The following ZNF804B variants were observed in gnomAD, a reference collection of about 807,000 sequenced individuals.
The protein encoded by ZNF804B is zinc finger protein 804B, also known as zinc finger 804B.
Under a neutral mutation model 101.4 loss-of-function variants are expected in ZNF804B, and 80 were observed. The observed-to-expected ratio is 0.79, with a 90% CI of 0.66 to 0.95. The LOEUF (loss-of-function observed/expected upper bound fraction) is 0.95, where lower values mean the gene tolerates loss of function less well. ZNF804B is among the 40% of genes least tolerant of loss of function. The probability of loss-of-function intolerance (pLI) is 0.00; values close to 1 mark genes in which losing one functional copy is unlikely to be tolerated. For synonymous variants in ZNF804B, 622 were observed against 558.8 expected, an observed-to-expected ratio of 1.11 and a Z score of -1.59; for missense variants, 1,673 against 1,561.9, an observed-to-expected ratio of 1.07 and a Z score of -1.20.
chr7:88,975,468 A>G, intron 1 of ZNF804B, among the ~76,000 whole-genome samples: 1 of 151,290 alleles, frequency 6.6e-6, no homozygotes, highest in East Asian at 2.0e-4. Flanking sequence ...AGGAAAAAAA[A>G]AGTGATTTTA....
chr7:89,185,792 G>A (rs1277687437), intron 1 of ZNF804B, among the ~76,000 whole-genome samples: 1 of 151,830 alleles, frequency 6.6e-6, no homozygotes, highest in Admixed American at 6.6e-5. Flanking sequence ...TCCTGGAGAC[G>A]GAGGTTGCAG....
chr7:88,775,833 A>G (rs961762531), intron 1 of ZNF804B, among the ~76,000 whole-genome samples: 1 of 152,144 alleles, frequency 6.6e-6, no homozygotes, highest in Admixed American at 6.5e-5. Context: ...ATTTATTTAA[A>G]ATTTGAAAAT....
At chr7:88,907,632 C>T (rs1792493619) in intron 1 of ZNF804B, among the ~76,000 whole-genome samples, 1 of 151,674 alleles carries the variant, frequency 6.6e-6, no homozygotes, top group African/African-American at 2.4e-5. Flanking sequence ...ACTAAGTAGC[C>T]CAAAGTTTGG....
At chr7:89,261,704 T>C (rs886261440) in intron 2 of ZNF804B, among the ~76,000 whole-genome samples, 1 of 152,214 alleles carries the variant, frequency 6.6e-6, no homozygotes, top group African/African-American at 2.4e-5. Flanking sequence ...CACATGTCAT[T>C]GCACTGAATA....
intron 1 of ZNF804B, among the ~76,000 whole-genome samples, chr7:89,014,775 T>G (rs767593563): frequency 9.2e-5 from 14 of 152,254 alleles, no homozygotes; most frequent in Non-Finnish European, 1.5e-4. Context: ...AAGAATAGTT[T>G]GCAAACATTT....
chr7:88,954,143 G>C (rs563075319), intron 1 of ZNF804B, among the ~76,000 whole-genome samples: 3 of 151,796 alleles, frequency 2.0e-5, no homozygotes, highest in Non-Finnish European at 4.4e-5. Context: ...TTTCAGAAAA[G>C]TTTGAAATTC....
intron 2 of ZNF804B, among the ~76,000 whole-genome samples, chr7:89,233,080 C>T (rs996545445): frequency 6.6e-6 from 1 of 151,728 alleles, no homozygotes; most frequent in Non-Finnish European, 1.5e-5. Context: ...CGCCACCACG[C>T]CTGGCTAATT....
At chr7:89,179,415 G>T (rs7787391) in intron 1 of ZNF804B, among the ~76,000 whole-genome samples, 6,417 of 151,860 alleles carry the variant, frequency 0.042, 143 homozygotes, top group Middle Eastern at 0.11. Context: ...AAAAAAATCT[G>T]CTATTGAGAG....
intron 1 of ZNF804B, among the ~76,000 whole-genome samples, chr7:88,783,364 C>T (rs547757314): frequency 1.0e-3 from 154 of 152,202 alleles, no homozygotes; most frequent in Non-Finnish European, 2.0e-3. Flanking sequence ...GGGACTACCT[C>T]TAGCTTCCAC....
At chr7:89,206,361 T>C (rs374355339) in intron 1 of ZNF804B, among the ~76,000 whole-genome samples, 3 of 152,368 alleles carry the variant, frequency 2.0e-5, no homozygotes, top group African/African-American at 7.2e-5. Context: ...TTTTATTTTC[T>C]ATTGAATTAT....
At chr7:89,062,493 T>C (rs1287564726) in intron 1 of ZNF804B, among the ~76,000 whole-genome samples, 2 of 152,184 alleles carry the variant, frequency 1.3e-5, no homozygotes, top group African/African-American at 4.8e-5. Context: ...TCATATTATT[T>C]TGTTATTTTT....
At chr7:89,118,974 A>C (rs1047961635) in intron 1 of ZNF804B, among the ~76,000 whole-genome samples, 1 of 152,202 alleles carries the variant, frequency 6.6e-6, no homozygotes, top group African/African-American at 2.4e-5. Context: ...GTGCATTTCC[A>C]GTCACCTCTA....
At chr7:89,325,464 AT>A (rs1367503541) in intron 2 of ZNF804B, among the ~76,000 whole-genome samples, 1 of 152,022 alleles carries the variant, frequency 6.6e-6, no homozygotes, top group East Asian at 1.9e-4. Flanking sequence ...TGATTTGTTG[AT>A]TTGTACATTT....
At chr7:89,056,880 A>G (rs1307744276) in intron 1 of ZNF804B, among the ~76,000 whole-genome samples, 2 of 152,206 alleles carry the variant, frequency 1.3e-5, no homozygotes, top group Admixed American at 6.6e-5. Context: ...CACTGAATGA[A>G]GAGATGGGAA....
At chr7:89,069,250 C>T (rs1439139838) in intron 1 of ZNF804B, among the ~76,000 whole-genome samples, 1 of 152,146 alleles carries the variant, frequency 6.6e-6, no homozygotes, top group Non-Finnish European at 1.5e-5. Context: ...ACCTAGAGAG[C>T]TTCAGTTAAA....
intron 2 of ZNF804B, among the ~76,000 whole-genome samples, chr7:89,282,902 C>T (rs1390436880): frequency 6.6e-6 from 1 of 152,030 alleles, no homozygotes; most frequent in Admixed American, 6.5e-5. Flanking sequence ...TTGATTTGAG[C>T]CCAGTGAAAC....
chr7:88,887,448 A>G (rs1056003557), intron 1 of ZNF804B, among the ~76,000 whole-genome samples: 6 of 152,048 alleles, frequency 3.9e-5, no homozygotes, highest in Non-Finnish European at 7.4e-5. Context: ...TCATTTTTGT[A>G]TATGGTGTAA....
rs147574705 is a variant in ZNF804B, at chr7:89,221,053, G to A, written c.249+2758G>A. 3.8e-3 allele frequency among the ~76,000 whole-genome samples: 578 copies of A among 151,942 alleles called. 3 individuals are homozygous for A. The highest frequency in any genetic ancestry group is 0.013 in the African/African-American group (555 of 41,494). On this transcript the variant is annotated intron_variant, in intron 2 of 3. Transcript: ENST00000333190. Reference sequence around the variant, plus strand: ...ATAAGGAGGCATATAATGTCTGGTTGTCTCTCTTTTTATAATCTTAAGTTT... The same window carrying A: ...ATAAGGAGGCATATAATGTCTGGTTATCTCTCTTTTTATAATCTTAAGTTT...
rs1359454649 is a variant in ZNF804B at position 88,880,739 on chromosome 7, T to G, written c.108+120655T>G. On this transcript the variant is annotated intron_variant, in intron 1 of 3. Coordinates refer to ENST00000333190, the MANE Select transcript of ZNF804B (RefSeq NM_181646.5). ...AAGGAAGAAAATTTTAATTAAATTT[T>G]TCTTATGTGTAATTGAGGATATTGA... 3.3e-5 allele frequency among the ~76,000 whole-genome samples: 5 copies of G among 152,238 alleles called. No individual in the cohort carries two copies. The South Asian group carries it at 1.0e-3, about 32-fold the overall frequency.
Sources: allele counts gnomAD v4.1 joint callset (sites outside exome capture counted in the v4.1 genomes callset), GRCh38; gene constraint gnomAD v4.1.1; transcripts MANE v1.5; gene names NCBI Gene and HGNC (gene_info 2026-07-23, HGNC 2026-07-21).